Variants in EPHA6 observed in about 807,000 individuals in gnomAD.
EPHA6 encodes ephrin type-A receptor 6.
EPHA6 carries 50 observed loss-of-function variants against 112.0 expected under a neutral mutation model. The observed-to-expected ratio is 0.45, with a 90% CI of 0.36 to 0.56. The LOEUF is 0.56. Among genes scored for constraint, EPHA6 ranks in the 20% least tolerant of loss-of-function variants. EPHA6 has a pLI of 0.00. For synonymous variants in EPHA6, 529 were observed against 490.7 expected, an observed-to-expected ratio of 1.08 and a Z score of -1.03; for missense variants, 1,280 against 1,417.4, an observed-to-expected ratio of 0.90 and a Z score of 1.56.
chr3:97,655,856 T>C (rs1353450461), intron 14 of EPHA6, among the ~76,000 whole-genome samples: 9 of 151,816 alleles, frequency 5.9e-5, no homozygotes, highest in Non-Finnish European at 1.0e-4. Flanking sequence ...TGTATACATA[T>C]GTAACAAACC....
chr3:97,242,827 C>G (rs2078886186), intron 4 of EPHA6, among the ~76,000 whole-genome samples: 1 of 151,340 alleles, frequency 6.6e-6, no homozygotes, highest in Non-Finnish European at 1.5e-5. Context: ...TTAAATGAAG[C>G]CTTCTAAAAT....
At chr3:97,656,855 A>G (rs2094140596) in intron 14 of EPHA6, among the ~76,000 whole-genome samples, 1 of 151,952 alleles carries the variant, frequency 6.6e-6, no homozygotes, top group Admixed American at 6.6e-5. Flanking sequence ...TAACATAAAC[A>G]CACAAAGTTT....
chr3:97,061,662 A>G lies in EPHA6; in HGVS notation c.1114+73669A>G, dbSNP rs76693923. Among the ~76,000 whole-genome samples, 489 of 152,302 alleles carry G rather than the reference A, an allele frequency of 3.2e-3. 2 individuals are homozygous for G. Among genetic ancestry groups the G allele is most frequent in the Non-Finnish European group, 5.5e-3 (377 of 68,034 alleles). On this transcript the variant is annotated intron_variant, in intron 3 of 17. Coordinates refer to ENST00000389672, the MANE Select transcript of EPHA6 (RefSeq NM_001080448.3). ...AAAAAGAAATAAGACTGTGCTTTGG[A>G]TGTCCTATCTCTGAAAGTGGCTATC...
At chr3:97,181,044 A>T (rs2076974595) in intron 3 of EPHA6, among the ~76,000 whole-genome samples, 3 of 152,130 alleles carry the variant, frequency 2.0e-5, no homozygotes, top group Admixed American at 2.0e-4. Flanking sequence ...ACTCAAGTTT[A>T]GACCACTGGG....
intron 2 of EPHA6, among the ~76,000 whole-genome samples, chr3:96,887,939 C>T (rs1043799919): frequency 3.3e-5 from 5 of 152,098 alleles, no homozygotes; most frequent in East Asian, 1.9e-4. Flanking sequence ...CTCACTCCCA[C>T]TGTGCCCCCA....
intron 2 of EPHA6, among the ~76,000 whole-genome samples, chr3:96,908,096 A>G (rs1196213298): frequency 6.6e-6 from 1 of 151,902 alleles, no homozygotes; most frequent in Non-Finnish European, 1.5e-5. Flanking sequence ...TTGTAACACA[A>G]TGGTAAGTAT....
At chr3:97,034,005 C>T (rs1025989894) in intron 3 of EPHA6, among the ~76,000 whole-genome samples, 2 of 151,828 alleles carry the variant, frequency 1.3e-5, no homozygotes, top group African/African-American at 4.8e-5. Context: ...CCTTAGTAGT[C>T]TGTTTAATTT....
chr3:97,380,884 G>A (rs1411240246), intron 5 of EPHA6, among the ~76,000 whole-genome samples: 1 of 152,004 alleles, frequency 6.6e-6, no homozygotes, highest in African/African-American at 2.4e-5. Context: ...CAATTTCAAA[G>A]AGCATTATCT....
At chr3:97,223,005 G>A (rs919371502) in intron 3 of EPHA6, among the ~76,000 whole-genome samples, 3 of 152,288 alleles carry the variant, frequency 2.0e-5, no homozygotes, top group East Asian at 1.9e-4. Flanking sequence ...GGCAACATAC[G>A]TGGGTCATGA....
chr3:97,511,258 TCTGCCCAGACAG>T (rs1433665076), intron 10 of EPHA6, among the ~76,000 whole-genome samples: 2 of 151,792 alleles, frequency 1.3e-5, no homozygotes, highest in African/African-American at 4.8e-5. Context: ...TAGCTCGGTG[TCTGCCCAGACAG>T]CTGCCCAGTT....
At chr3:97,424,080 G>T (rs545862513) in intron 6 of EPHA6, among the ~76,000 whole-genome samples, 5 of 152,328 alleles carry the variant, frequency 3.3e-5, no homozygotes, top group Admixed American at 2.0e-4. Context: ...GGCTGGTGAG[G>T]CCTCACAATC....
chr3:97,631,282 C>T (rs2093900751), intron 13 of EPHA6, among the ~76,000 whole-genome samples: 2 of 151,940 alleles, frequency 1.3e-5, no homozygotes, highest in South Asian at 4.1e-4. Context: ...CTTATGAACC[C>T]TTTGCATTTC....
chr3:97,561,285 T>C (rs975151153), intron 11 of EPHA6, among the ~76,000 whole-genome samples: 3 of 152,134 alleles, frequency 2.0e-5, no homozygotes, highest in African/African-American at 4.8e-5. Context: ...AAAGCTGAGA[T>C]TGACTGTAAA....
In EPHA6 at chr3:97,128,312, A is replaced by G. The variant is rs1053536155; in HGVS notation, c.1115-97952A>G. Among the ~76,000 whole-genome samples, 100 of 152,164 alleles carry G rather than the reference A, an allele frequency of 6.6e-4. 1 individual carries two copies. Among genetic ancestry groups the G allele is most frequent in the Non-Finnish European group, 1.5e-4 (10 of 68,038 alleles). On this transcript the variant is annotated intron_variant, in intron 3 of 17. Coordinates refer to ENST00000389672, the MANE Select transcript of EPHA6 (RefSeq NM_001080448.3). ...TGCACTTGTAAATTATGTTGTTATAAACATGCATGCCAGTGTCTTTTTGAC... is the reference window on the plus strand; with the variant it reads ...TGCACTTGTAAATTATGTTGTTATAGACATGCATGCCAGTGTCTTTTTGAC...
At chr3:97,470,881 T>C (rs1453209663) in intron 7 of EPHA6, among the ~76,000 whole-genome samples, 1 of 151,778 alleles carries the variant, frequency 6.6e-6, no homozygotes, top group African/African-American at 2.4e-5. Context: ...CAAAGGATCA[T>C]TTCCAATCAG....
intron 3 of EPHA6, among the ~76,000 whole-genome samples, chr3:97,024,675 A>T (rs1349506225): frequency 6.6e-6 from 1 of 152,190 alleles, no homozygotes; most frequent in South Asian, 2.1e-4. Flanking sequence ...CACACTTTCT[A>T]TGAGCCAAGT....
chr3:97,610,284 T>C (rs1345080293), intron 12 of EPHA6, among the ~76,000 whole-genome samples: 1 of 151,576 alleles, frequency 6.6e-6, no homozygotes, highest in East Asian at 1.9e-4. Context: ...AATCAGACTA[T>C]GACCGATGGT....
chr3:97,508,344 G>GT (rs1577613414), intron 10 of EPHA6, among the ~76,000 whole-genome samples: 1 of 152,108 alleles, frequency 6.6e-6, no homozygotes, highest in East Asian at 1.9e-4. Flanking sequence ...CTGTGTACTA[G>GT]AGATTCTGGT....
intron 6 of EPHA6, among the ~76,000 whole-genome samples, chr3:97,409,417 C>G (rs2087565098): frequency 6.6e-6 from 1 of 152,004 alleles, no homozygotes; most frequent in Non-Finnish European, 1.5e-5. Context: ...TATTATTCTT[C>G]CCATTTTACA....
Sources: gnomAD v4.1 joint callset for allele counts (sites outside exome capture counted in the v4.1 genomes callset) on GRCh38, gnomAD v4.1.1 for gene constraint, MANE v1.5 for transcripts, NCBI Gene and HGNC (gene_info 2026-07-23, HGNC 2026-07-21) for gene names.